Variants in CCZ1B observed in about 807,000 individuals in gnomAD.
CCZ1B encodes CCZ1B vacuolar protein trafficking and biogenesis associated, also known as vacuolar fusion protein CCZ1 homolog B.
Under a neutral mutation model 58.8 loss-of-function variants are expected in CCZ1B, and 25 were observed. That is an observed-to-expected ratio of 0.43 (90% CI 0.31 to 0.59). The LOEUF is 0.59. Among genes scored for constraint, CCZ1B ranks in the 20% least tolerant of loss-of-function variants. CCZ1B has a pLI of 0.12. For missense variants in CCZ1B, 180 were observed against 501.5 expected (o/e 0.36, Z 6.12); for synonymous variants, 66 against 173.2 (o/e 0.38, Z 4.86).
rs539733893 is a variant in CCZ1B, at chr7:6,820,645, G to A, written c.523-704C>T. ...CTTTCAAGTATTTAATTCCTGGCCA[G>A]GCACAGCGGCTCGCGCCTGTAATCC... On this transcript the variant is annotated intron_variant, in intron 6 of 14. Coordinates refer to ENST00000316731, the MANE Select transcript of CCZ1B (RefSeq NM_198097.5). 2.0e-3 allele frequency among the ~76,000 whole-genome samples: 304 copies of A among 149,022 alleles called. 24 individuals carry two copies. The highest frequency in any genetic ancestry group is 7.4e-3 in the African/African-American group (294 of 39,742).
chr7:6,825,113 G>C (rs1215564223), intron 1 of CCZ1B, among the ~76,000 whole-genome samples: 1 of 150,520 alleles, frequency 6.6e-6, no homozygotes, highest in African/African-American at 2.5e-5. Context: ...AAGTCTCCAG[G>C]TTTCTTTCCT....
intron 7 of CCZ1B, among the ~76,000 whole-genome samples, chr7:6,819,343 C>T (rs531447485): frequency 0.012 from 1,715 of 147,108 alleles, 147 homozygotes; most frequent in African/African-American, 0.043. Flanking sequence ...TCAAGTGATT[C>T]TCCTGCCTCA....
At chr7:6,806,127 AAGTC>A in intron 10 of CCZ1B, 90 bp from the exon 11 acceptor site, 1 of 641,690 alleles carries the variant, frequency 1.6e-6, no homozygotes, top group South Asian at 1.9e-5. Context: ...CAATGGGGAG[AAGTC>A]AACTGTAAGA....
chr7:6,820,050 A>T, intron 6 of CCZ1B, 109 bp from the exon 7 acceptor site: 1 of 1,348,092 alleles, frequency 7.4e-7, no homozygotes, highest in East Asian at 2.3e-5. Context: ...GTACAATTAC[A>T]TACTAGCAAA....
chr7:6,821,542 A>G (rs1181282792), intron 6 of CCZ1B, among the ~76,000 whole-genome samples: 15 of 152,294 alleles, frequency 9.8e-5, no homozygotes, highest in African/African-American at 3.6e-4. Context: ...TCGAATTCAA[A>G]AATAGATACA....
chr7:6,807,822 G>GA (rs1217811686), intron 10 of CCZ1B, among the ~76,000 whole-genome samples: 3 of 121,718 alleles, frequency 2.5e-5, no homozygotes, highest in Non-Finnish European at 1.7e-5. Flanking sequence ...TCTTTTTTGT[G>GA]AAAAATGAGA....
chr7:6,810,130 G>A (rs1371208386), intron 10 of CCZ1B, among the ~76,000 whole-genome samples: 1 of 150,080 alleles, frequency 6.7e-6, no homozygotes, highest in Non-Finnish European at 1.5e-5. Flanking sequence ...TCCTGCCTCA[G>A]CCTCCGGAGT....
At chr7:6,819,133 A>C (rs2115125360) in intron 7 of CCZ1B, among the ~76,000 whole-genome samples, 1 of 147,286 alleles carries the variant, frequency 6.8e-6, no homozygotes, top group South Asian at 2.1e-4. Context: ...GAAAAAAAAA[A>C]AAAAAAAAAA....
Position 6,810,832 on chromosome 7 carries a change from G to A in CCZ1B, c.954+1120C>T, listed in dbSNP as rs945219840. On this transcript the variant is annotated intron_variant, in intron 10 of 14. Transcript: ENST00000316731. ...CTGTCCTCGGAATCATGTTTCTTTC[G>A]AGACCTCTAGTTTTGTTTTTGCAGC... Among the ~76,000 whole-genome samples the A allele has an allele frequency of 5.4e-5, 8 of 149,368 alleles. 1 individual carries two copies. The highest frequency in any genetic ancestry group is 2.0e-4 in the African/African-American group (8 of 39,496).
In CCZ1B at chr7:6,814,748, A is replaced by C. The variant is rs1347084365; in HGVS notation, c.780+16T>G. The C allele has an allele frequency of 6.3e-7, 1 of 1,599,774 alleles. No homozygotes were observed. Among genetic ancestry groups the C allele is most frequent in the Non-Finnish European group, 8.5e-7 (1 of 1,172,788 alleles). ...CCCCTGCATGTAATTGTGTGCAGCT[A>C]TGGTACCCATCATACCTCAGGTTCG... On this transcript the variant is annotated intron_variant, in intron 8 of 14. Coordinates refer to ENST00000316731, the MANE Select transcript of CCZ1B (RefSeq NM_198097.5).
chr7:6,814,782 T>G lies in CCZ1B; in HGVS notation c.762A>C (p.Pro254=). 1 of 1,607,678 alleles carries G rather than the reference T, an allele frequency of 6.2e-7. No homozygotes were observed. The highest frequency in any genetic ancestry group is 8.5e-7 in the Non-Finnish European group (1 of 1,178,310). Residue 254 remains proline (P), a synonymous_variant, in exon 8 of 15, where the codon CCA becomes CCC. Transcript: ENST00000316731. ...ATCATACCTCAGGTTCGATGTGCCT[T>G]GGGAAAAGGGAGGTGGTAAGGTATT... The part of the protein sequence containing the change: ...LYKYLTTSLF[P]RHIEPELAGR...
Position 6,820,281 on chromosome 7 carries a change from C to T in CCZ1B, c.523-340G>A, listed in dbSNP as rs1212074354. On this transcript the variant is annotated intron_variant, in intron 6 of 14. Coordinates refer to ENST00000316731, the MANE Select transcript of CCZ1B (RefSeq NM_198097.5). Reference sequence around the variant, plus strand: ...GCAAGCTCCGCCTTCCAGGTTCACACCATTCTCCTGCCTCAGCCTCCTGAG... The same window carrying T: ...GCAAGCTCCGCCTTCCAGGTTCACATCATTCTCCTGCCTCAGCCTCCTGAG... 3.3e-5 allele frequency among the ~76,000 whole-genome samples: 5 copies of T among 149,482 alleles called. 1 individual carries two copies. In the South Asian group the frequency reaches 1.1e-3, roughly 32 times the overall value.
At chr7:6,812,638 A>C (rs1782935113) in intron 9 of CCZ1B, 1 of 466,202 alleles carries the variant, frequency 2.1e-6, no homozygotes, top group East Asian at 4.2e-5. Flanking sequence ...CAAAAAGATA[A>C]TAGGCCAGGC....
At chr7:6,819,729 TTTC>T (rs1183920712) in intron 7 of CCZ1B, 34 bp downstream of exon 7, 1 of 1,235,202 alleles carries the variant, frequency 8.1e-7, no homozygotes, top group East Asian at 2.4e-5. Context: ...ATTATCTTAA[TTTC>T]TTCTTTTAAT....
intron 6 of CCZ1B, among the ~76,000 whole-genome samples, chr7:6,821,394 G>A (rs1426910449): frequency 1.3e-5 from 2 of 152,276 alleles, no homozygotes; most frequent in Non-Finnish European, 2.9e-5. Context: ...GGGTAAGAGA[G>A]AAATGAGGAC....
chr7:6,810,357 GC>G (rs746368796), intron 10 of CCZ1B, among the ~76,000 whole-genome samples: 1 of 143,158 alleles, frequency 7.0e-6, no homozygotes, highest in Non-Finnish European at 1.5e-5. Context: ...GCTTGGCATG[GC>G]AAAGAACTCT....
intron 7 of CCZ1B, among the ~76,000 whole-genome samples, chr7:6,816,190 G>A (rs1473064708): frequency 3.4e-5 from 5 of 148,022 alleles, no homozygotes; most frequent in Non-Finnish European, 7.4e-5. Flanking sequence ...CTGAAATACC[G>A]TGAAGGTGGT....
chr7:6,804,360 C>T (rs2115109662), intron 12 of CCZ1B, among the ~76,000 whole-genome samples: 3 of 126,728 alleles, frequency 2.4e-5, no homozygotes, highest in East Asian at 3.2e-4. Flanking sequence ...GAGGCGGAGG[C>T]TGCAGTGAGC....
intron 10 of CCZ1B, among the ~76,000 whole-genome samples, chr7:6,810,043 G>A (rs1782895224): frequency 6.7e-6 from 1 of 150,288 alleles, no homozygotes; most frequent in Non-Finnish European, 1.5e-5. Flanking sequence ...ACAGAGTCTT[G>A]CTCTGTTGCC....
Sources: gnomAD v4.1 joint callset for allele counts (sites outside exome capture counted in the v4.1 genomes callset) on GRCh38, gnomAD v4.1.1 for gene constraint, MANE v1.5 for transcripts, NCBI Gene and HGNC (gene_info 2026-07-23, HGNC 2026-07-21) for gene names.